Variants in SMPD4 observed in about 807,000 individuals in gnomAD.
SMPD4 encodes the protein sphingomyelin phosphodiesterase 4, also known as neutral sphingomyelinase 3.
In SMPD4, 58 loss-of-function variants were observed where a neutral mutation model predicts 97.8. The ratio of observed to expected loss-of-function variants is 0.59; its 90% CI spans 0.48 to 0.74. The LOEUF (loss-of-function observed/expected upper bound fraction) is 0.74, where lower values mean the gene tolerates loss of function less well. Ranked by LOEUF, SMPD4 falls within the 30% of genes least tolerant of loss-of-function variation. The pLI is 0.00. For missense variants in SMPD4, 853 were observed against 1,080.5 expected (o/e 0.79, Z 2.95); for synonymous variants, 388 against 450.0 (o/e 0.86, Z 1.74).
chr2:130,164,668 T>C (rs943272711), intron 9 of SMPD4, among the ~76,000 whole-genome samples: 1 of 151,922 alleles, frequency 6.6e-6, no homozygotes, highest in Non-Finnish European at 1.5e-5. Flanking sequence ...GAAGAAAACA[T>C]GGGAGAAAAC....
Position 130,159,192 on chromosome 2 carries a change from G to A in SMPD4, c.952-1796C>T, listed in dbSNP as rs191891052. Among the ~76,000 whole-genome samples the A allele has an allele frequency of 2.0e-5, 3 of 152,074 alleles. No homozygotes were observed. In the East Asian group the frequency reaches 5.9e-4, roughly 30 times the overall value. ...TTGTATTTGTAGAGACAGGGGTTTC[G>A]CCATGTTGCCCAGGCTGGTCTCAAA... On this transcript the variant is annotated intron_variant, in intron 11 of 19. Transcript: ENST00000680298.
At chr2:130,153,236 G>C in intron 18 of SMPD4, 65 bp from the exon 19 acceptor site, 1 of 1,612,948 alleles carries the variant, frequency 6.2e-7, no homozygotes, top group African/African-American at 1.3e-5. Context: ...AGAGGAGCCT[G>C]ATGGCCTCTG....
chr2:130,172,001 C>T (rs746466368), intron 8 of SMPD4, among the ~76,000 whole-genome samples: 1 of 152,196 alleles, frequency 6.6e-6, no homozygotes, highest in Non-Finnish European at 1.5e-5. Context: ...CATAGAGATT[C>T]CTATTTTTTT....
chr2:130,171,688 C>A (rs964965310), intron 8 of SMPD4, among the ~76,000 whole-genome samples: 7 of 152,214 alleles, frequency 4.6e-5, no homozygotes, highest in African/African-American at 9.6e-5. Flanking sequence ...CTTACACATG[C>A]CAGCAGATCT....
chr2:130,178,686 T>G (rs1344892454), intron 1 of SMPD4, among the ~76,000 whole-genome samples: 2 of 151,090 alleles, frequency 1.3e-5, no homozygotes, highest in Non-Finnish European at 2.9e-5. Flanking sequence ...TCCCAGCAAC[T>G]CGGGAGGCTG....
At position 130,175,066 on chromosome 2, in the gene SMPD4, G is replaced by A. The variant is rs568994980; in HGVS notation, c.40-66C>T. On this transcript the variant is annotated intron_variant, in intron 2 of 19. Transcript: ENST00000680298. ...ACTCTGCAGCTTTTAGTGGCACTCT[G>A]GCTTGAGTCAAACAGAAATCCAAGC... is the stretch of plus-strand genomic sequence containing the variant. 2.6e-5 allele frequency: 30 copies of A among 1,160,408 alleles called. No homozygotes were observed. The East Asian group carries it at 6.2e-4, about 24-fold the overall frequency. The allele number at this position is 1,160,408 out of a possible 1,614,324, so 71.9% of individuals were successfully genotyped here.
rs988995737 is a variant in SMPD4, at chr2:130,154,989, C to T, written c.1453+107G>A. The stretch of plus-strand genomic sequence containing the variant: ...CCACAGCACCCTTTGCCGGGGCCCA[C>T]TCTGGGCGTGTGGGTCCCTCTTAAA... On this transcript the variant is annotated intron_variant, in intron 15 of 19. Transcript: ENST00000680298. The T allele has an allele frequency of 1.6e-5, 23 of 1,434,686 alleles. No individual in the cohort carries two copies. In the African/African-American group the frequency reaches 2.7e-4, roughly 17 times the overall value. 88.9% of individuals were successfully genotyped at this position (1,434,686 alleles called of 1,614,324 possible).
rs1558752181 is a variant in SMPD4, at chr2:130,164,444, A to C, written c.794T>G (p.Val265Gly). The C allele has an allele frequency of 6.2e-7, 1 of 1,614,048 alleles. No homozygotes were observed. Among genetic ancestry groups the C allele is most frequent in the South Asian group, 1.1e-5 (1 of 91,080 alleles). Residue 265 changes from valine (V) to glycine (G), a missense_variant and splice_region_variant, in exon 10 of 20, where the codon GTT becomes GGT. This residue lies in a region of SMPD4 where 313 missense variants were observed against 402.2 expected (regional missense o/e 0.78). Transcript: ENST00000680298. ...EIWRSETLLQVFVEMWLHHYS... is the reference protein window; with the variant it reads ...EIWRSETLLQGFVEMWLHHYS... ...GTGATGAAGCCACATTTCAACAAAAACCTGCAAAAAAGCATTAGCTAGTCA... is the reference window on the plus strand; with the variant it reads ...GTGATGAAGCCACATTTCAACAAAACCCTGCAAAAAAGCATTAGCTAGTCA...
At position 130,173,659 on chromosome 2, in the gene SMPD4, G is replaced by A. The variant is rs1558762855; in HGVS notation, c.127-3C>T. Reference sequence around the variant, plus strand: ...CATGGGAAGATGGTGTGCAGCTCCTGAAACAATGTGTGGTGAAGCCGCGTG... The same window carrying A: ...CATGGGAAGATGGTGTGCAGCTCCTAAAACAATGTGTGGTGAAGCCGCGTG... On this transcript the variant is annotated splice_region_variant and splice_polypyrimidine_tract_variant and intron_variant, in intron 3 of 19. Transcript: ENST00000680298. 1.9e-6 allele frequency: 3 copies of A among 1,613,880 alleles called. No homozygotes were observed. The highest frequency in any genetic ancestry group is 2.5e-6 in the Non-Finnish European group (3 of 1,179,862).
chr2:130,179,044 T>A (rs181223622), intron 1 of SMPD4, among the ~76,000 whole-genome samples: 1 of 151,598 alleles, frequency 6.6e-6, no homozygotes, highest in East Asian at 1.9e-4. Context: ...AAAGAGGCCA[T>A]GTAGGCAGCT....
chr2:130,180,056 C>T (rs1445388582), intron 1 of SMPD4, among the ~76,000 whole-genome samples: 6 of 150,904 alleles, frequency 4.0e-5, no homozygotes, highest in Non-Finnish European at 7.4e-5. Flanking sequence ...CTCCGCCTCC[C>T]GGGTTCACGC....
rs765580496 is a variant in SMPD4 at position 130,152,743 on chromosome 2, C to T, written c.2296G>A (p.Gly766Ser). Residue 766 changes from glycine (G) to serine (S), a missense_variant, in exon 20 of 20, where the codon GGC (glycine) becomes AGC (serine). Coordinates refer to ENST00000680298, the MANE Select transcript of SMPD4 (RefSeq NM_017951.5). ...AGGAAGCGCAGGCTGAGCCTGGGGCCGCGGGTGTGGCCGGCCACCTGCCTC... is the reference window on the plus strand; with the variant it reads ...AGGAAGCGCAGGCTGAGCCTGGGGCTGCGGGTGTGGCCGGCCACCTGCCTC... ...GRRQVAGHTR[G>S]PRLSLRFLGS... 1.8e-5 allele frequency: 28 copies of T among 1,592,736 alleles called. 1 individual carries two copies. In the Admixed American group the frequency reaches 2.3e-4, roughly 13 times the overall value.
intron 9 of SMPD4, among the ~76,000 whole-genome samples, chr2:130,166,076 C>T (rs990928683): frequency 3.3e-5 from 5 of 152,078 alleles, no homozygotes; most frequent in Non-Finnish European, 7.3e-5. Context: ...AATCCCAACA[C>T]TTTGGGAGGC....
intron 9 of SMPD4, among the ~76,000 whole-genome samples, chr2:130,165,276 C>T (rs987174436): frequency 2.0e-5 from 3 of 151,996 alleles, no homozygotes; most frequent in African/African-American, 7.2e-5. Flanking sequence ...ACAAAATTAG[C>T]CGGGCGTGGT....
chr2:130,167,373 G>A, intron 9 of SMPD4, 85 bp downstream of exon 9: 1 of 1,586,400 alleles, frequency 6.3e-7, no homozygotes, highest in Non-Finnish European at 8.6e-7. Context: ...TGCCCACCTA[G>A]GCCTCGCAAA....
chr2:130,176,019 TAC>T, intron 2 of SMPD4, among the ~76,000 whole-genome samples: 1 of 152,146 alleles, frequency 6.6e-6, no homozygotes, highest in Middle Eastern at 3.4e-3. Context: ...TTTGAGTCTT[TAC>T]TATGTTGCCC....
In SMPD4 at chr2:130,165,724, TG is replaced by T. The variant is rs1340463396; in HGVS notation, c.793-1280del. ...AGGTGCTGGGTGGGGAATTGTTTAATGGTTTGATTTCCTTGTTTTTCATTAG... is the reference window on the plus strand; with the variant it reads ...AGGTGCTGGGTGGGGAATTGTTTAATGTTTGATTTCCTTGTTTTTCATTAG... On this transcript the variant is annotated intron_variant, in intron 9 of 19. Coordinates refer to ENST00000680298, the MANE Select transcript of SMPD4 (RefSeq NM_017951.5). Among the ~76,000 whole-genome samples, 3 of 152,154 alleles carry T rather than the reference TG, an allele frequency of 2.0e-5. No homozygotes were observed. The South Asian group carries it at 6.2e-4, about 31-fold the overall frequency.
At chr2:130,179,372 C>A (rs573093323) in intron 1 of SMPD4, among the ~76,000 whole-genome samples, 1 of 152,090 alleles carries the variant, frequency 6.6e-6, no homozygotes, top group Admixed American at 6.6e-5. Flanking sequence ...CCGCCTGCCT[C>A]GGCCTCCCAA....
chr2:130,179,661 T>G (rs1689310233), intron 1 of SMPD4, among the ~76,000 whole-genome samples: 1 of 151,592 alleles, frequency 6.6e-6, no homozygotes, highest in Non-Finnish European at 1.5e-5. Flanking sequence ...GCCGACTTTT[T>G]CAATTCTTTT....
Sources: gnomAD v4.1 joint callset for allele counts (sites outside exome capture counted in the v4.1 genomes callset) on GRCh38, gnomAD v4.1.1 for gene constraint, gnomAD v4.1.1 regional missense constraint, MANE v1.5 for transcripts, NCBI Gene and HGNC (gene_info 2026-07-23, HGNC 2026-07-21) for gene names.